Variants in SCG5 observed in about 807,000 individuals in gnomAD.
SCG5 encodes the protein neuroendocrine protein 7B2.
A neutral mutation model predicts 25.7 loss-of-function variants in SCG5; 18 were observed. The ratio of observed to expected loss-of-function variants is 0.70; its 90% confidence interval spans 0.48 to 1.04. The LOEUF (loss-of-function observed/expected upper bound fraction) is 1.04, where lower values mean the gene tolerates loss of function less well. SCG5 is among the 50% of genes least tolerant of loss of function. SCG5 has a pLI of 0.00. For missense variants in SCG5, 206 were observed against 259.8 expected, an observed-to-expected ratio of 0.79 and a Z score of 1.42; for synonymous variants, 101 against 91.7, an observed-to-expected ratio of 1.10 and a Z score of -0.58.
chr15:32,680,005 ATTG>A (rs1323386758), intron 3 of SCG5, 90 bp downstream of exon 3: 1 of 1,240,216 alleles, frequency 8.1e-7, no homozygotes. Context: ...ATTCCCAGAA[ATTG>A]TTATTTCCAT....
chr15:32,649,982 A>G (rs1341959566), intron 2 of SCG5, among the ~76,000 whole-genome samples: 1 of 152,088 alleles, frequency 6.6e-6, no homozygotes, highest in Non-Finnish European at 1.5e-5. Context: ...TTTCCAGCCC[A>G]CTCTTACATG....
At chr15:32,645,035 G>A (rs1425103928) in intron 2 of SCG5, among the ~76,000 whole-genome samples, 2 of 152,158 alleles carry the variant, frequency 1.3e-5, no homozygotes, top group Non-Finnish European at 2.9e-5. Flanking sequence ...ACACAAATGC[G>A]TTGAATCGGC....
chr15:32,678,280 A>T (rs1404592866), intron 2 of SCG5, among the ~76,000 whole-genome samples: 9 of 152,216 alleles, frequency 5.9e-5, no homozygotes, highest in Non-Finnish European at 1.3e-4. Context: ...CTCAGACAAC[A>T]TGGGAAAATA....
intron 3 of SCG5, among the ~76,000 whole-genome samples, chr15:32,680,236 C>T (rs1336913236): frequency 6.7e-6 from 1 of 149,454 alleles, no homozygotes; most frequent in Non-Finnish European, 1.5e-5. Context: ...CGCTGTGTCA[C>T]CCAGGCTGGA....
intron 2 of SCG5, chr15:32,673,278 T>A (rs909798901): frequency 1.3e-5 from 2 of 152,102 alleles, no homozygotes; most frequent in Admixed American, 6.5e-5. Flanking sequence ...TTTAAGAAGG[T>A]TCTTAGCAGC....
intron 2 of SCG5, among the ~76,000 whole-genome samples, chr15:32,662,189 G>C (rs1001613709): frequency 6.6e-6 from 1 of 152,122 alleles, no homozygotes; most frequent in Admixed American, 6.6e-5. Flanking sequence ...GTACAGTCTT[G>C]ATAAATTCTC....
intron 4 of SCG5, 60 bp downstream of exon 4, chr15:32,684,729 G>A: frequency 2.0e-6 from 2 of 1,013,246 alleles, no homozygotes; most frequent in Non-Finnish European, 3.1e-6. Flanking sequence ...GGTGCTGATG[G>A]CAGGGATGAG....
chr15:32,660,172 G>A (rs2140522972), intron 2 of SCG5, among the ~76,000 whole-genome samples: 1 of 152,294 alleles, frequency 6.6e-6, no homozygotes, highest in African/African-American at 2.4e-5. Flanking sequence ...GCCTGGTAAG[G>A]ACCTCTGGCT....
intron 2 of SCG5, among the ~76,000 whole-genome samples, chr15:32,663,854 C>T (rs966845925): frequency 1.3e-5 from 2 of 151,326 alleles, no homozygotes; most frequent in Non-Finnish European, 2.9e-5. Flanking sequence ...GGAGCCACTC[C>T]CTTGTCATTC....
intron 4 of SCG5, among the ~76,000 whole-genome samples, chr15:32,691,300 T>C (rs2054850795): frequency 6.6e-6 from 1 of 152,168 alleles, no homozygotes; most frequent in African/African-American, 2.4e-5. Flanking sequence ...ACACAGGGGA[T>C]TGTTGTTAAT....
At chr15:32,683,847 G>A (rs921283219) in intron 3 of SCG5, among the ~76,000 whole-genome samples, 4 of 152,210 alleles carry the variant, frequency 2.6e-5, no homozygotes, top group African/African-American at 9.6e-5. Context: ...GTTGTGTAAT[G>A]TACTTTCTCC....
chr15:32,677,701 T>C (rs2054553801), intron 2 of SCG5: 1 of 152,252 alleles, frequency 6.6e-6, no homozygotes, highest in Admixed American at 6.5e-5. Context: ...GATTGTCCCT[T>C]AGGGGAACTG....
chr15:32,688,669 A>T (rs147231889), intron 4 of SCG5, among the ~76,000 whole-genome samples: 49 of 152,308 alleles, frequency 3.2e-4, no homozygotes, highest in African/African-American at 1.1e-3. Flanking sequence ...TTCCCTTAGA[A>T]ATTAATAGGC....
At chr15:32,654,093 C>A (rs1435751041) in intron 2 of SCG5, among the ~76,000 whole-genome samples, 1 of 152,166 alleles carries the variant, frequency 6.6e-6, no homozygotes, top group Admixed American at 6.5e-5. Flanking sequence ...TCCTTGCCAC[C>A]TTTTACAGAT....
At chr15:32,692,779 G>A (rs1274102044) in intron 5 of SCG5, among the ~76,000 whole-genome samples, 1 of 152,116 alleles carries the variant, frequency 6.6e-6, no homozygotes, top group Non-Finnish European at 1.5e-5. Flanking sequence ...TGCCAAATCC[G>A]GTCAGAGAGA....
rs73373048 is a variant in SCG5 at position 32,690,806 on chromosome 15, G to A, written c.490-904G>A. ...TTACCAGAACTCTGTGGTTGTCTTT[G>A]TTTTTTTTTTTTCTTAATGTCAGAG... On this transcript the variant is annotated intron_variant, in intron 4 of 5. Transcript: ENST00000300175. Among the ~76,000 whole-genome samples the A allele has an allele frequency of 2.8e-5, 4 of 141,986 alleles. No homozygotes were observed. The East Asian group carries it at 8.2e-4, about 29-fold the overall frequency. The allele number at this position is 141,986 out of a possible 152,430, so 93.1% of individuals were successfully genotyped here. A position where few individuals can be genotyped will look rare whatever the true frequency, so the allele number is the denominator to read the frequency against.
At chr15:32,687,456 T>C (rs2054736184) in intron 4 of SCG5, among the ~76,000 whole-genome samples, 1 of 152,264 alleles carries the variant, frequency 6.6e-6, no homozygotes, top group Non-Finnish European at 1.5e-5. Flanking sequence ...TCTCCTTGTT[T>C]ATTTTCTCAT....
intron 2 of SCG5, among the ~76,000 whole-genome samples, chr15:32,663,016 G>C: frequency 8.2e-6 from 1 of 122,372 alleles, no homozygotes; most frequent in Non-Finnish European, 1.6e-5. Flanking sequence ...GAAGATTAGG[G>C]CTGTTAAAAA....
intron 3 of SCG5, among the ~76,000 whole-genome samples, chr15:32,681,181 CTAA>C (rs1217387822): frequency 6.6e-6 from 1 of 152,002 alleles, no homozygotes; most frequent in Non-Finnish European, 1.5e-5. Context: ...TCCTGCAAGC[CTAA>C]TAATAATAAT....
Sources: gnomAD v4.1 joint callset for allele counts (sites outside exome capture counted in the v4.1 genomes callset) on GRCh38, gnomAD v4.1.1 for gene constraint, MANE v1.5 for transcripts, NCBI Gene and HGNC (gene_info 2026-07-23, HGNC 2026-07-21) for gene names.